Variants in FAM185A observed in about 807,000 individuals in gnomAD.
FAM185A encodes family with sequence similarity 185 member A.
Under a neutral mutation model 45.7 loss-of-function variants are expected in FAM185A, and 21 were observed. That is an observed-to-expected ratio of 0.46 (90% confidence interval 0.33 to 0.66). The LOEUF is 0.66. Ranked by LOEUF, FAM185A falls within the 30% of genes least tolerant of loss-of-function variation. The pLI, the probability that FAM185A is intolerant of heterozygous loss-of-function variation, is 0.03. For synonymous variants in FAM185A, 117 were observed against 194.0 expected, an observed-to-expected ratio of 0.60 and a Z score of 3.30; for missense variants, 305 against 485.4, an observed-to-expected ratio of 0.63 and a Z score of 3.49.
Position 102,809,207 on chromosome 7 carries a change from AAAAC to A in FAM185A, c.*809_*812del, listed in dbSNP as rs1797297408. 1 of 152,250 alleles carries A rather than the reference AAAAC, an allele frequency of 6.6e-6. No homozygotes were observed. Among genetic ancestry groups the A allele is most frequent in the Admixed American group, 6.5e-5 (1 of 15,286 alleles). 9.4% of individuals were successfully genotyped at this position (152,250 alleles called of 1,614,324 possible). A position where few individuals can be genotyped will look rare whatever the true frequency, so the allele number is the denominator to read the frequency against. Reference sequence around the variant, plus strand: ...CAATGTAAATTTAAGCTGTAAATAAAAAACAAATATGTGAAGCAGTTGCTACTGA... The same window carrying A: ...CAATGTAAATTTAAGCTGTAAATAAAAAATATGTGAAGCAGTTGCTACTGA... On this transcript the variant is annotated 3_prime_UTR_variant, in exon 8 of 8. Coordinates refer to ENST00000413034, the MANE Select transcript of FAM185A (RefSeq NM_001145268.2).
chr7:102,783,153 G>T (rs1795519798), intron 6 of FAM185A, among the ~76,000 whole-genome samples: 2 of 151,134 alleles, frequency 1.3e-5, no homozygotes, highest in Admixed American at 6.6e-5. Flanking sequence ...CATAAAGCAA[G>T]TCCTTAGAGA....
chr7:102,808,607 A>T lies in FAM185A; in HGVS notation c.*205A>T, dbSNP rs576490460. 1 of 542,612 alleles carries T rather than the reference A, an allele frequency of 1.8e-6. No individual in the cohort carries two copies. Among genetic ancestry groups the T allele is most frequent in the South Asian group, 2.2e-5 (1 of 45,546 alleles). The allele number at this position is 542,612 out of a possible 1,614,324, so 33.6% of individuals were successfully genotyped here. A position where few individuals can be genotyped will look rare whatever the true frequency, so the allele number is the denominator to read the frequency against. The stretch of plus-strand genomic sequence containing the variant: ...CTCTGTAACAAATTACCACAAATTT[A>T]GCAGCATAAAATAATACTCATTTAC... On this transcript the variant is annotated 3_prime_UTR_variant, in exon 8 of 8. Transcript: ENST00000413034.
Position 102,751,683 on chromosome 7 carries a change from T to A in FAM185A, c.452-9T>A, listed in dbSNP as rs1191615356. 5.9e-6 allele frequency: 9 copies of A among 1,533,218 alleles called. No individual in the cohort carries two copies. The highest frequency in any genetic ancestry group is 7.9e-6 in the Non-Finnish European group (9 of 1,142,028). The allele number at this position is 1,533,218 out of a possible 1,614,324, so 95.0% of individuals were successfully genotyped here. A position where few individuals can be genotyped will look rare whatever the true frequency, so the allele number is the denominator to read the frequency against. On this transcript the variant is annotated splice_polypyrimidine_tract_variant and intron_variant, in intron 1 of 7. Coordinates refer to ENST00000413034, the MANE Select transcript of FAM185A (RefSeq NM_001145268.2). Reference sequence around the variant, plus strand: ...GTACTAACTTGCTTTTTTCTTTTTTTACTTCTAGGTTTAGATATCAAGTCA... The same window carrying A: ...GTACTAACTTGCTTTTTTCTTTTTTAACTTCTAGGTTTAGATATCAAGTCA...
intron 7 of FAM185A, among the ~76,000 whole-genome samples, chr7:102,806,471 C>T (rs1339629707): frequency 6.6e-6 from 1 of 152,224 alleles, no homozygotes; most frequent in Non-Finnish European, 1.5e-5. Flanking sequence ...AGGCCTGAGC[C>T]ACCTCGCCTG....
chr7:102,784,898 T>A (rs1795676622), intron 6 of FAM185A, among the ~76,000 whole-genome samples: 1 of 152,252 alleles, frequency 6.6e-6, no homozygotes, highest in Admixed American at 6.5e-5. Context: ...AAATTGTCCC[T>A]GTTTGCAGAT....
At chr7:102,813,176 G>A, downstream of FAM185A, 3 of 670,750 alleles carry the variant, frequency 4.5e-6, no homozygotes, top group Non-Finnish European at 7.4e-6. Context: ...TTAGACAGAA[G>A]AACTACTGAT....
intron 1 of FAM185A, among the ~76,000 whole-genome samples, chr7:102,750,509 A>G (rs889408537): frequency 6.6e-6 from 1 of 152,216 alleles, no homozygotes; most frequent in African/African-American, 2.4e-5. Context: ...ATATTAAGAT[A>G]TTTTGACAGA....
intron 6 of FAM185A, among the ~76,000 whole-genome samples, chr7:102,783,572 G>A (rs1795559887): frequency 6.6e-6 from 1 of 152,004 alleles, no homozygotes; most frequent in Non-Finnish European, 1.5e-5. Flanking sequence ...ACGAAATGAA[G>A]GCAGAAATAA....
chr7:102,833,170 A>C, the FAM185A span, among the ~76,000 whole-genome samples: 1 of 152,240 alleles, frequency 6.6e-6, no homozygotes, highest in Non-Finnish European at 1.5e-5. Flanking sequence ...AAAGCAGCTT[A>C]ACAGCTTAGT....
intron 7 of FAM185A, among the ~76,000 whole-genome samples, chr7:102,805,518 T>C (rs913500665): frequency 1.3e-5 from 2 of 148,292 alleles, no homozygotes; most frequent in African/African-American, 2.5e-5. Context: ...CAATGGACTT[T>C]GGGGACGTGG....
intron 7 of FAM185A, among the ~76,000 whole-genome samples, chr7:102,802,952 T>C (rs1321408769): frequency 1.3e-5 from 2 of 152,094 alleles, no homozygotes; most frequent in East Asian, 3.8e-4. Context: ...GATAAATTCC[T>C]GGAAAGATAC....
At chr7:102,810,230 T>G (rs1386330399), downstream of FAM185A, among the ~76,000 whole-genome samples, 4 of 152,152 alleles carry the variant, frequency 2.6e-5, no homozygotes, top group Admixed American at 1.3e-4. Flanking sequence ...GATAAGTCAG[T>G]TCTTTTTTTG....
chr7:102,844,492 G>A, the FAM185A span, among the ~76,000 whole-genome samples: 1 of 152,194 alleles, frequency 6.6e-6, no homozygotes, highest in Non-Finnish European at 1.5e-5. Context: ...TAGAGTGGGA[G>A]AGAGAATGCC....
chr7:102,757,720 G>A, intron 2 of FAM185A, 134 bp from the exon 3 acceptor site: 1 of 1,240,814 alleles, frequency 8.1e-7, no homozygotes, highest in East Asian at 2.7e-5. Flanking sequence ...TCGAAGCAGT[G>A]AGTTTCTATT....
At chr7:102,759,791 C>T (rs933679893) in intron 3 of FAM185A, among the ~76,000 whole-genome samples, 5 of 151,742 alleles carry the variant, frequency 3.3e-5, no homozygotes, top group African/African-American at 1.2e-4. Context: ...AGGTAAAATA[C>T]TTAAAACAAC....
intron 6 of FAM185A, among the ~76,000 whole-genome samples, chr7:102,785,072 A>T (rs952509494): frequency 2.0e-5 from 3 of 152,194 alleles, no homozygotes; most frequent in Admixed American, 2.0e-4. Context: ...GTGAACTCCC[A>T]TTTACAATTG....
chr7:102,779,919 C>T (rs1002193972), intron 6 of FAM185A: 3 of 136,408 alleles, frequency 2.2e-5, no homozygotes, highest in African/African-American at 8.4e-5. Flanking sequence ...CCATGTTGTC[C>T]AGGCTGGTCT....
At chr7:102,787,206 T>A in intron 6 of FAM185A, 129 bp from the exon 7 acceptor site, 7 of 956,186 alleles carry the variant, frequency 7.3e-6, no homozygotes, top group Non-Finnish European at 9.9e-6. Context: ...AAGGTTTAAA[T>A]AAATACTGTA....
At chr7:102,832,950 A>G in the FAM185A span, 1 of 1,614,212 alleles carries the variant, frequency 6.2e-7, no homozygotes, top group Non-Finnish European at 8.5e-7. Flanking sequence ...AAATGTTCCA[A>G]GATCAGTGAG....
Sources: allele counts gnomAD v4.1 joint callset (sites outside exome capture counted in the v4.1 genomes callset), GRCh38; gene constraint gnomAD v4.1.1; transcripts MANE v1.5; gene names NCBI Gene and HGNC (gene_info 2026-07-23, HGNC 2026-07-21).